Variants in MRPS14 observed in about 807,000 individuals in gnomAD.
MRPS14 encodes mitochondrial ribosomal protein S14, also known as small ribosomal subunit protein uS14m.
A neutral mutation model predicts 16.4 loss-of-function variants in MRPS14; 14 were observed. The observed-to-expected ratio is 0.85, with a 90% CI of 0.56 to 1.33. The LOEUF is 1.33. MRPS14 is among the 40% of genes most tolerant of loss of function. The pLI is 0.00. For missense variants in MRPS14, 162 were observed against 176.8 expected, an observed-to-expected ratio of 0.92 and a Z score of 0.48; for synonymous variants, 54 against 61.9, an observed-to-expected ratio of 0.87 and a Z score of 0.60.
Position 175,023,425 on chromosome 1 carries a change from T to A in MRPS14, c.-17A>T, listed in dbSNP as rs1456586823. On this transcript the variant is annotated 5_prime_UTR_variant, in exon 1 of 3. Transcript: ENST00000476371. ...GGCCGCCATGTTGTCCGCTACAAAC[T>A]ACAAACCGCTGAAACTTTATTGACA... is the stretch of plus-strand genomic sequence containing the variant. 1.2e-6 allele frequency: 2 copies of A among 1,613,652 alleles called. No individual in the cohort carries two copies. The highest frequency in any genetic ancestry group is 2.7e-5 in the African/African-American group (2 of 74,880).
At position 175,018,437 on chromosome 1, in the gene MRPS14, A is replaced by G. The variant is rs758393878; in HGVS notation, c.185T>C (p.Ile62Thr). ...LRINSLRKNT[I>T]LPKILQDVAD... is the part of the protein sequence containing the mutation. ...GCTAACCTGAAGAATTTTTGGCAAA[A>G]TGGTATTCTTCCTGAGTGAATTAAT... The change falls in exon 2 of 3, where the codon ATT (isoleucine) becomes ACT (threonine). Residue 62 changes from isoleucine to threonine, a missense_variant. Ile to Thr is a moderately conservative substitution (Grantham distance 89, BLOSUM62 -1). Transcript: ENST00000476371. The G allele has an allele frequency of 6.4e-5, 103 of 1,598,462 alleles. No homozygotes were observed. Among genetic ancestry groups the G allele is most frequent in the Non-Finnish European group, 8.5e-5 (100 of 1,175,520 alleles).
chr1:175,020,517 CCT>C (rs1278953795), intron 1 of MRPS14, among the ~76,000 whole-genome samples: 2 of 151,970 alleles, frequency 1.3e-5, no homozygotes, highest in African/African-American at 2.4e-5. Context: ...ATTTTTTCCC[CCT>C]TTTTTTGAGA....
chr1:175,016,881 G>A (rs1273950006), intron 2 of MRPS14, among the ~76,000 whole-genome samples: 2 of 152,054 alleles, frequency 1.3e-5, no homozygotes, highest in African/African-American at 2.4e-5. Flanking sequence ...GGTGTTGTGC[G>A]TTAGCTCCAC....
At position 175,023,414 on chromosome 1, in the gene MRPS14, C is replaced by T; in HGVS notation, c.-6G>A. 3 of 1,614,106 alleles carry T rather than the reference C, an allele frequency of 1.9e-6. No individual in the cohort carries two copies. In the South Asian group the frequency reaches 3.3e-5, roughly 18 times the overall value. ...CCCAGCATGAAGGCCGCCATGTTGT[C>T]CGCTACAAACTACAAACCGCTGAAA... On this transcript the variant is annotated 5_prime_UTR_variant, in exon 1 of 3. Coordinates refer to ENST00000476371, the MANE Select transcript of MRPS14 (RefSeq NM_022100.3).
At chr1:175,016,636 AAC>A (rs1276574661) in intron 2 of MRPS14, among the ~76,000 whole-genome samples, 2 of 148,516 alleles carry the variant, frequency 1.3e-5, no homozygotes, top group Admixed American at 6.6e-5. Context: ...GTACTCAAAC[AAC>A]ACACCCCCAG....
chr1:175,021,000 A>C (rs2149415514), intron 1 of MRPS14, among the ~76,000 whole-genome samples: 1 of 151,906 alleles, frequency 6.6e-6, no homozygotes, highest in East Asian at 1.9e-4. Context: ...TTAAATTCTC[A>C]ATTTCTCTTG....
intron 2 of MRPS14, among the ~76,000 whole-genome samples, chr1:175,015,090 G>A (rs796406639): frequency 6.6e-6 from 1 of 151,854 alleles, no homozygotes; most frequent in South Asian, 2.1e-4. Flanking sequence ...TGAGATTACA[G>A]GTGTGCACTA....
chr1:175,014,778 A>T lies in MRPS14; in HGVS notation c.278T>A (p.Met93Lys). The change falls in exon 3 of 3, where the codon ATG (methionine) becomes AAG (lysine). Residue 93 changes from methionine to lysine, a missense_variant. Transcript: ENST00000476371. The stretch of plus-strand genomic sequence containing the variant: ...CTTCACACCACGCGGACGGGACGTC[A>T]TAACACACCGATTTCTGATTCTAAC... ...CPVRIRNRCV[M>K]TSRPRGVKRR... is the part of the protein sequence containing the mutation. The T allele has an allele frequency of 6.2e-7, 1 of 1,614,176 alleles. No individual in the cohort carries two copies.
rs1483831806 is a variant in MRPS14, at chr1:175,014,294, A to G, written c.*375T>C. On this transcript the variant is annotated 3_prime_UTR_variant, in exon 3 of 3. Transcript: ENST00000476371. ...TTACAAACTGCCATACATGAGCTAC[A>G]TGTCAATTAGTTGGATTATGTATAA... 8.7e-6 allele frequency: 3 copies of G among 343,238 alleles called. No individual in the cohort carries two copies. Among genetic ancestry groups the G allele is most frequent in the Non-Finnish European group, 1.6e-5 (3 of 192,696 alleles). 21.3% of individuals were successfully genotyped at this position (343,238 alleles called of 1,614,324 possible).
In MRPS14 at chr1:175,023,381, G is replaced by T; in HGVS notation, c.28C>A (p.Leu10Met). The T allele has an allele frequency of 6.2e-7, 1 of 1,614,192 alleles. No individual in the cohort carries two copies. Among genetic ancestry groups the T allele is most frequent in the Non-Finnish European group, 8.5e-7 (1 of 1,180,040 alleles). Residue 10 changes from leucine to methionine, a missense_variant, in exon 1 of 3, where the codon CTG becomes ATG. Leu to Met is a conservative substitution (Grantham distance 15). Transcript: ENST00000476371. The part of the protein sequence containing the change: MAAFMLGSL[L>M]RTFKQMVPSS... ...GGCCTGACCTGCTTGAACGTCCGCA[G>T]CAGCGAGCCCAGCATGAAGGCCGCC...
intron 1 of MRPS14, among the ~76,000 whole-genome samples, chr1:175,021,859 C>T (rs959295895): frequency 6.6e-6 from 1 of 152,170 alleles, no homozygotes; most frequent in Non-Finnish European, 1.5e-5. Context: ...TAGAAGAAAT[C>T]AAAAGAGCAT....
chr1:175,014,581 A>G lies in MRPS14; in HGVS notation c.*88T>C. The G allele has an allele frequency of 1.4e-6, 2 of 1,382,508 alleles. No homozygotes were observed. Among genetic ancestry groups the G allele is most frequent in the South Asian group, 2.8e-5 (2 of 71,540 alleles). The allele number at this position is 1,382,508 out of a possible 1,614,324, so 85.6% of individuals were successfully genotyped here. A position where few individuals can be genotyped will look rare whatever the true frequency, so the allele number is the denominator to read the frequency against. On this transcript the variant is annotated 3_prime_UTR_variant, in exon 3 of 3. Coordinates refer to ENST00000476371, the MANE Select transcript of MRPS14 (RefSeq NM_022100.3). ...ACAACTGTACTGGGCCCCTGTAGAG[A>G]TTAGGGTTTGGTCTATTAAAAAAAA...
At chr1:175,019,393 T>A (rs1672938168) in intron 1 of MRPS14, among the ~76,000 whole-genome samples, 1 of 152,186 alleles carries the variant, frequency 6.6e-6, no homozygotes, top group South Asian at 2.1e-4. Context: ...GCAATTCTCA[T>A]GCCTCAGCCT....
Position 175,014,759 on chromosome 1 carries a change from A to G in MRPS14, c.297T>C (p.Gly99=), listed in dbSNP as rs1009738960. The change falls in exon 3 of 3, where the codon GGT becomes GGC. Residue 99 remains glycine (G), a synonymous_variant. Coordinates refer to ENST00000476371, the MANE Select transcript of MRPS14 (RefSeq NM_022100.3). ...GACTAAGCCTCCAGCGCCGCTTCAC[A>G]CCACGCGGACGGGACGTCATAACAC... is the stretch of plus-strand genomic sequence containing the variant. The part of the protein sequence containing the change: ...NRCVMTSRPR[G]VKRRWRLSRI... The G allele has an allele frequency of 8.7e-6, 14 of 1,614,006 alleles. No individual in the cohort carries two copies. Among genetic ancestry groups the G allele is most frequent in the Admixed American group, 5.0e-5 (3 of 60,004 alleles).
At position 175,013,851 on chromosome 1, in the gene MRPS14, ACCT is replaced by A. The variant is rs1348287507; in HGVS notation, c.*815_*817del. On this transcript the variant is annotated 3_prime_UTR_variant, in exon 3 of 3. Coordinates refer to ENST00000476371, the MANE Select transcript of MRPS14 (RefSeq NM_022100.3). ...TGTGCAGAAAAAAATCTCACCCCTC[ACCT>A]CCTGATTTATTAAGTTCTCCAGGAA... 1 of 151,468 alleles carries A rather than the reference ACCT, an allele frequency of 6.6e-6. No individual in the cohort carries two copies. The highest frequency in any genetic ancestry group is 2.4e-5 in the African/African-American group (1 of 41,148). The allele number at this position is 151,468 out of a possible 1,614,324, so 9.4% of individuals were successfully genotyped here.
chr1:175,014,953 TTGA>T, intron 2 of MRPS14, 102 bp from the exon 3 acceptor site: 2 of 1,167,400 alleles, frequency 1.7e-6, no homozygotes, highest in South Asian at 1.4e-5. Context: ...TTTTTTTTTT[TTGA>T]GACAGAGTCT....
chr1:175,014,813 A>G lies in MRPS14; in HGVS notation c.243T>C (p.Asp81=). ...GATTTCTGATTCTAACAGGACAGCT[A>G]TCCCGGGGGAGGGCAGCAATTTCTT... ...ADEEIAALPR[D]SCPVRIRNRC... The change falls in exon 3 of 3, where the codon GAT becomes GAC. Residue 81 remains aspartate, a synonymous_variant. Coordinates refer to ENST00000476371, the MANE Select transcript of MRPS14 (RefSeq NM_022100.3). The G allele has an allele frequency of 6.2e-7, 1 of 1,614,098 alleles. No homozygotes were observed. Among genetic ancestry groups the G allele is most frequent in the Non-Finnish European group, 8.5e-7 (1 of 1,179,988 alleles).
Position 175,014,485 on chromosome 1 carries a change from AATT to A in MRPS14, c.*181_*183del. ...GTTTGTTAAGTCCAAGAGAAAAGAT[AATT>A]CACTGACATGAAACACCCAAATGTC... is the stretch of plus-strand genomic sequence containing the variant. On this transcript the variant is annotated 3_prime_UTR_variant, in exon 3 of 3. Transcript: ENST00000476371. 2 of 540,756 alleles carry A rather than the reference AATT, an allele frequency of 3.7e-6. No individual in the cohort carries two copies. The highest frequency in any genetic ancestry group is 6.4e-6 in the Non-Finnish European group (2 of 312,606). 33.5% of individuals were successfully genotyped at this position (540,756 alleles called of 1,614,324 possible).
At chr1:175,022,280 A>T (rs1344958419) in intron 1 of MRPS14, among the ~76,000 whole-genome samples, 1 of 152,116 alleles carries the variant, frequency 6.6e-6, no homozygotes, top group Non-Finnish European at 1.5e-5. Flanking sequence ...ATATTATATT[A>T]AACTTAATTT....
Sources: gnomAD v4.1 joint callset for allele counts (sites outside exome capture counted in the v4.1 genomes callset) on GRCh38, gnomAD v4.1.1 for gene constraint, MANE v1.5 for transcripts, NCBI Gene and HGNC (gene_info 2026-07-23, HGNC 2026-07-21) for gene names.